The following PCDH15 variants were observed in gnomAD, a reference collection of about 807,000 sequenced individuals.
The protein encoded by PCDH15 is protocadherin-15.
A neutral mutation model predicts 178.5 loss-of-function variants in PCDH15; 129 were observed. The observed-to-expected ratio is 0.72, with a 90% CI of 0.63 to 0.84. The LOEUF (loss-of-function observed/expected upper bound fraction) is 0.84. PCDH15 is among the 40% of genes least tolerant of loss of function. The pLI is 0.00. For synonymous variants in PCDH15, 800 were observed against 732.0 expected (o/e 1.09, Z -1.50); for missense variants, 2,230 against 2,099.9 (o/e 1.06, Z -1.21).
intron 6 of PCDH15, among the ~76,000 whole-genome samples, chr10:54,344,549 T>G (rs1402621842): frequency 6.6e-6 from 1 of 152,150 alleles, no homozygotes; most frequent in Non-Finnish European, 1.5e-5. Flanking sequence ...CATGGACTAG[T>G]CATTTGATAC....
chr10:54,881,683 C>G (rs899556823), intron 3 of PCDH15, among the ~76,000 whole-genome samples: 1 of 152,044 alleles, frequency 6.6e-6, no homozygotes, highest in East Asian at 1.9e-4. Context: ...AACAGTGTAC[C>G]TGGTATCTAT....
At chr10:53,823,535 C>A in intron 32 of PCDH15, 1 of 752,116 alleles carries the variant, frequency 1.3e-6, no homozygotes, top group Non-Finnish European at 2.4e-6. Flanking sequence ...AAAGGCAGGG[C>A]AGAAAAATCT....
Position 53,857,190 on chromosome 10 carries a change from A to G in PCDH15, c.3791T>C (p.Ile1264Thr), listed in dbSNP as rs1391799702. 1.2e-6 allele frequency: 2 copies of G among 1,601,578 alleles called. No homozygotes were observed. The highest frequency in any genetic ancestry group is 8.6e-7 in the Non-Finnish European group (1 of 1,169,094). ...AATCAATTACTCTGTAAGATCTTCT[A>G]TCTTTTTTTCCACTAGAGTAGGAGG... is the stretch of plus-strand genomic sequence containing the variant. ...NVPPTLVEKK[I>T]EDLTEILDRY... Residue 1264 changes from isoleucine (I) to threonine (T), a missense_variant, in exon 28 of 38, where the codon ATA (isoleucine) becomes ACA (threonine). Ile to Thr is a moderately conservative substitution (Grantham distance 89). Coordinates refer to ENST00000644397, the MANE Select transcript of PCDH15 (RefSeq NM_001384140.1).
chr10:54,783,763 G>A (rs1950584384), intron 1 of PCDH15, among the ~76,000 whole-genome samples: 1 of 152,040 alleles, frequency 6.6e-6, no homozygotes, highest in Admixed American at 6.5e-5. Flanking sequence ...GGCTGGGAGG[G>A]GAATAAGAGA....
chr10:55,018,394 T>C (rs146362901), intron 2 of PCDH15, among the ~76,000 whole-genome samples: 478 of 152,246 alleles, frequency 3.1e-3, no homozygotes, highest in African/African-American at 0.011. Flanking sequence ...CTTGAAATCT[T>C]CTCTAGGTTA....
chr10:54,119,748 CA>C (rs2095182297), intron 15 of PCDH15, among the ~76,000 whole-genome samples: 1 of 151,910 alleles, frequency 6.6e-6, no homozygotes, highest in Non-Finnish European at 1.5e-5. Context: ...GCAGTAAGCT[CA>C]AAATAGCGAA....
At position 53,822,221 on chromosome 10, in the gene PCDH15, A is replaced by C; in HGVS notation, c.4368-1991T>G. 1.2e-6 allele frequency: 2 copies of C among 1,613,976 alleles called. No individual in the cohort carries two copies. The highest frequency in any genetic ancestry group is 1.7e-6 in the Non-Finnish European group (2 of 1,179,972). ...TTATACAGACACACTCTGTGGACAG[A>C]AATGAAGCTGAAGGAGGTGGAGGGC... On this transcript the variant is annotated intron_variant, in intron 32 of 37. Transcript: ENST00000644397.
intron 8 of PCDH15, among the ~76,000 whole-genome samples, chr10:54,304,775 G>T (rs1174790295): frequency 6.6e-6 from 1 of 152,038 alleles, no homozygotes; most frequent in African/African-American, 2.4e-5. Context: ...TTATGTATAA[G>T]ATTTCTTCTA....
chr10:54,356,907 C>A (rs971161816), intron 5 of PCDH15, among the ~76,000 whole-genome samples: 11 of 152,126 alleles, frequency 7.2e-5, no homozygotes, highest in Admixed American at 3.3e-4. Context: ...CAAAGACAAA[C>A]ACCACATGAT....
intron 18 of PCDH15, among the ~76,000 whole-genome samples, chr10:54,056,281 C>T (rs2093885185): frequency 6.6e-6 from 1 of 152,134 alleles, no homozygotes; most frequent in Non-Finnish European, 1.5e-5. Flanking sequence ...AAATATACAA[C>T]ACATTGCTGC....
At chr10:55,057,544 C>G (rs977177880) in intron 2 of PCDH15, among the ~76,000 whole-genome samples, 2 of 152,126 alleles carry the variant, frequency 1.3e-5, no homozygotes, top group African/African-American at 4.8e-5. Context: ...CTACAAGTTG[C>G]TGTGGGAAGC....
chr10:54,809,080 G>A (rs986746170), intron 3 of PCDH15, among the ~76,000 whole-genome samples: 3 of 152,058 alleles, frequency 2.0e-5, no homozygotes, highest in African/African-American at 7.2e-5. Flanking sequence ...AAATTACACT[G>A]AGGGATACTC....
At chr10:53,816,104 T>C (rs1321951674) in intron 35 of PCDH15, 135 bp downstream of exon 35, 1 of 392,730 alleles carries the variant, frequency 2.5e-6, no homozygotes, top group African/African-American at 2.1e-5. Flanking sequence ...GAAGTTATTT[T>C]GAAAGACTCT....
intron 2 of PCDH15, among the ~76,000 whole-genome samples, chr10:55,026,776 A>G (rs990815458): frequency 1.3e-5 from 2 of 151,974 alleles, no homozygotes; most frequent in African/African-American, 4.8e-5. Flanking sequence ...CAGATGGCAT[A>G]GTCAGTTTTC....
At chr10:54,461,681 C>G (rs2077173967) in intron 3 of PCDH15, among the ~76,000 whole-genome samples, 1 of 152,090 alleles carries the variant, frequency 6.6e-6, no homozygotes, top group South Asian at 2.1e-4. Flanking sequence ...TTTTTTTCAA[C>G]TACCTGTGCA....
intron 2 of PCDH15, among the ~76,000 whole-genome samples, chr10:55,338,906 T>C (rs1236967392): frequency 2.0e-5 from 3 of 152,126 alleles, no homozygotes; most frequent in Admixed American, 6.6e-5. Flanking sequence ...ATGTTCTTAT[T>C]CACATGTGAA....
At chr10:54,018,333 T>C (rs2092808649) in intron 20 of PCDH15, among the ~76,000 whole-genome samples, 1 of 152,150 alleles carries the variant, frequency 6.6e-6, no homozygotes, top group Admixed American at 6.6e-5. Flanking sequence ...GGAACTTTTA[T>C]TTTTAGGAAT....
intron 2 of PCDH15, among the ~76,000 whole-genome samples, chr10:55,566,268 T>A (rs979228724): frequency 1.7e-4 from 26 of 151,158 alleles, no homozygotes; most frequent in African/African-American, 5.3e-4. Context: ...TTTCGTGATT[T>A]AAAAAAAACA....
At chr10:55,308,630 ACTTATAT>A (rs1316868280) in intron 1 of PCDH15, among the ~76,000 whole-genome samples, 13 of 151,646 alleles carry the variant, frequency 8.6e-5, no homozygotes, top group African/African-American at 3.2e-4. Context: ...CTTCAAATAT[ACTTATAT>A]CTTAGGTGCC....
Sources: allele counts gnomAD v4.1 joint callset (sites outside exome capture counted in the v4.1 genomes callset), GRCh38; gene constraint gnomAD v4.1.1; transcripts MANE v1.5; gene names NCBI Gene and HGNC (gene_info 2026-07-23, HGNC 2026-07-21).